BNC2: variants seen among roughly 807,000 people sequenced by gnomAD.
BNC2 encodes the protein basonuclin zinc finger protein 2, also known as zinc finger protein basonuclin-2.
In BNC2, 20 loss-of-function variants were observed where a neutral mutation model predicts 76.3. The observed-to-expected ratio is 0.26, with a 90% CI of 0.18 to 0.38. BNC2 has a LOEUF of 0.38. Ranked by LOEUF, BNC2 falls within the 10% of genes least tolerant of loss-of-function variation. The probability of loss-of-function intolerance (pLI) is 1.00; values close to 1 mark genes in which losing one functional copy is unlikely to be tolerated. For synonymous variants in BNC2, 582 were observed against 514.8 expected, an observed-to-expected ratio of 1.13 and a Z score of -1.77; for missense variants, 1,382 against 1,399.8, an observed-to-expected ratio of 0.99 and a Z score of 0.20.
At chr9:16,507,451 C>A (rs949615465) in intron 5 of BNC2, among the ~76,000 whole-genome samples, 2 of 151,792 alleles carry the variant, frequency 1.3e-5, no homozygotes, top group Non-Finnish European at 2.9e-5. Context: ...TTTTTTGAGA[C>A]GAAGTCTCAC....
chr9:16,780,597 A>G (rs1210693928), intron 1 of BNC2, among the ~76,000 whole-genome samples: 1 of 152,154 alleles, frequency 6.6e-6, no homozygotes, highest in Non-Finnish European at 1.5e-5. Context: ...AAGTAGGTGA[A>G]TTGTATATTA....
chr9:16,827,933 T>C (rs1818491087), intron 1 of BNC2, among the ~76,000 whole-genome samples: 1 of 152,230 alleles, frequency 6.6e-6, no homozygotes, highest in Non-Finnish European at 1.5e-5. Context: ...CATGTCTGTA[T>C]TCTTCATAAA....
chr9:16,557,978 G>C (rs1420398730), intron 4 of BNC2, among the ~76,000 whole-genome samples: 5 of 151,882 alleles, frequency 3.3e-5, no homozygotes, highest in African/African-American at 9.7e-5. Context: ...CAAGCAGCTA[G>C]GACTAGAGGT....
intron 3 of BNC2, among the ~76,000 whole-genome samples, chr9:16,652,953 G>A (rs1263978810): frequency 1.3e-5 from 2 of 152,068 alleles, no homozygotes; most frequent in Non-Finnish European, 2.9e-5. Flanking sequence ...GGCACCCTGT[G>A]GGCCCTACTC....
intron 5 of BNC2, among the ~76,000 whole-genome samples, chr9:16,464,498 A>C (rs1444887732): frequency 6.6e-6 from 1 of 152,228 alleles, no homozygotes; most frequent in South Asian, 2.1e-4. Context: ...CTAGCACATC[A>C]TACATGAAGA....
intron 1 of BNC2, among the ~76,000 whole-genome samples, chr9:16,798,605 C>T (rs1183922703): frequency 6.6e-6 from 1 of 152,102 alleles, no homozygotes; most frequent in Non-Finnish European, 1.5e-5. Context: ...AGGAGTTCCT[C>T]CAACCAGAAT....
chr9:16,692,822 G>A (rs1310538080), intron 3 of BNC2, among the ~76,000 whole-genome samples: 1 of 152,010 alleles, frequency 6.6e-6, no homozygotes, highest in African/African-American at 2.4e-5. Flanking sequence ...AGCTCAGAGG[G>A]ACTTAGTGTT....
chr9:16,847,576 T>C (rs1819019889), intron 1 of BNC2, among the ~76,000 whole-genome samples: 1 of 152,144 alleles, frequency 6.6e-6, no homozygotes. Flanking sequence ...AATAGAACAT[T>C]AAATTCTAAG....
At chr9:16,648,432 T>A (rs183663629) in intron 3 of BNC2, among the ~76,000 whole-genome samples, 24 of 152,328 alleles carry the variant, frequency 1.6e-4, no homozygotes, top group Admixed American at 3.3e-4. Flanking sequence ...CCAGGTTCTA[T>A]TAGCCAAGTC....
intron 1 of BNC2, among the ~76,000 whole-genome samples, chr9:16,812,468 A>G (rs1818076943): frequency 6.6e-6 from 1 of 152,188 alleles, no homozygotes; most frequent in South Asian, 2.1e-4. Flanking sequence ...CTCGAGGTGC[A>G]GGTGTGAGAT....
chr9:16,554,640 G>A (rs888892310), intron 4 of BNC2, among the ~76,000 whole-genome samples: 1 of 152,138 alleles, frequency 6.6e-6, no homozygotes, highest in Non-Finnish European at 1.5e-5. Flanking sequence ...AAAAAGCAGG[G>A]ATGGGGTATT....
chr9:16,621,013 G>A (rs1429182809), intron 3 of BNC2, among the ~76,000 whole-genome samples: 3 of 152,148 alleles, frequency 2.0e-5, no homozygotes, highest in South Asian at 2.1e-4. Context: ...CAGAGCCAGG[G>A]AATAAAGCTC....
intron 3 of BNC2, among the ~76,000 whole-genome samples, chr9:16,652,487 A>G (rs1439512759): frequency 6.6e-6 from 1 of 150,662 alleles, no homozygotes; most frequent in Non-Finnish European, 1.5e-5. Flanking sequence ...TTTTATCTTC[A>G]GTGGTCTACT....
At chr9:16,791,037 G>GA (rs1408461873) in intron 1 of BNC2, among the ~76,000 whole-genome samples, 1 of 151,980 alleles carries the variant, frequency 6.6e-6, no homozygotes, top group Non-Finnish European at 1.5e-5. Flanking sequence ...GGAAGTGCTA[G>GA]TGTATGGGAT....
chr9:16,828,953 G>A (rs1818515470), intron 1 of BNC2, among the ~76,000 whole-genome samples: 2 of 152,110 alleles, frequency 1.3e-5, no homozygotes, highest in Admixed American at 6.5e-5. Flanking sequence ...CGACTCCAGA[G>A]GCTGGGGCGC....
chr9:16,788,706 G>A (rs1817410244), intron 1 of BNC2, among the ~76,000 whole-genome samples: 1 of 152,172 alleles, frequency 6.6e-6, no homozygotes, highest in East Asian at 1.9e-4. Context: ...CAAGATCAGT[G>A]CCTAGCAAAT....
At chr9:16,443,098 C>G (rs1009495409) in intron 5 of BNC2, among the ~76,000 whole-genome samples, 1 of 144,792 alleles carries the variant, frequency 6.9e-6, no homozygotes, top group Non-Finnish European at 1.5e-5. Context: ...AAACAAGAAG[C>G]AAACAGTTTA....
intron 1 of BNC2, among the ~76,000 whole-genome samples, chr9:16,852,203 C>T (rs939156910): frequency 2.6e-5 from 4 of 152,112 alleles, no homozygotes; most frequent in African/African-American, 9.7e-5. Context: ...GCACAATGTT[C>T]CCCTTATATA....
At chr9:16,742,383 C>T (rs369099904) in intron 1 of BNC2, among the ~76,000 whole-genome samples, 4 of 152,350 alleles carry the variant, frequency 2.6e-5, no homozygotes, top group African/African-American at 9.6e-5. Flanking sequence ...CAAAGTCACA[C>T]CAGCTTTCTG....
Sources: gnomAD v4.1 joint callset for allele counts (sites outside exome capture counted in the v4.1 genomes callset) on GRCh38, gnomAD v4.1.1 for gene constraint, MANE v1.5 for transcripts, NCBI Gene and HGNC (gene_info 2026-07-23, HGNC 2026-07-21) for gene names.